Variants in NDST3 observed in about 807,000 individuals in gnomAD.
NDST3 encodes the protein N-deacetylase and N-sulfotransferase 3.
In NDST3, 58 loss-of-function variants were observed where a neutral mutation model predicts 96.1. The ratio of observed to expected loss-of-function variants is 0.60; its 90% CI spans 0.49 to 0.75. NDST3 has a LOEUF of 0.75. NDST3 is among the 30% of genes least tolerant of loss of function. NDST3 has a pLI of 0.00. For synonymous variants in NDST3, 333 were observed against 359.7 expected, an observed-to-expected ratio of 0.93 and a Z score of 0.84; for missense variants, 788 against 1,034.2, an observed-to-expected ratio of 0.76 and a Z score of 3.27.
intron 2 of NDST3, among the ~76,000 whole-genome samples, chr4:118,077,007 G>T (rs191600604): frequency 6.6e-6 from 1 of 152,278 alleles, no homozygotes; most frequent in East Asian, 1.9e-4. Flanking sequence ...TGTGGTATAA[G>T]GTTGGTTCAA....
At chr4:118,180,781 T>C (rs1333634769) in intron 6 of NDST3, among the ~76,000 whole-genome samples, 2 of 152,128 alleles carry the variant, frequency 1.3e-5, no homozygotes, top group Non-Finnish European at 2.9e-5. Flanking sequence ...CTTATACTTT[T>C]ACAGTCATCT....
At chr4:118,227,162 T>C (rs897407523) in intron 8 of NDST3, among the ~76,000 whole-genome samples, 180 bp downstream of exon 8, 1 of 152,122 alleles carries the variant, frequency 6.6e-6, no homozygotes, top group East Asian at 1.9e-4. Flanking sequence ...AAGTGTTTTT[T>C]AAGTGAAGGG....
Position 118,183,565 on chromosome 4 carries a change from T to G in NDST3, c.1539+39881T>G, listed in dbSNP as rs1578780292. Among the ~76,000 whole-genome samples the G allele has an allele frequency of 2.6e-5, 4 of 152,138 alleles. 1 individual carries two copies. In the East Asian group the frequency reaches 7.8e-4, roughly 30 times the overall value. ...ATGAATAACAAAGAACTCCTATCAT[T>G]TGGGAAATTTCAGAGAACTAGTTTT... On this transcript the variant is annotated intron_variant, in intron 6 of 13. Coordinates refer to ENST00000296499, the MANE Select transcript of NDST3 (RefSeq NM_004784.3).
At chr4:118,176,670 G>T (rs1299978619) in intron 6 of NDST3, among the ~76,000 whole-genome samples, 1 of 151,980 alleles carries the variant, frequency 6.6e-6, no homozygotes, top group Non-Finnish European at 1.5e-5. Flanking sequence ...GTTAAGAAAG[G>T]CTACATTAAG....
chr4:118,211,873 G>T (rs1041610620), intron 6 of NDST3, among the ~76,000 whole-genome samples: 5 of 152,124 alleles, frequency 3.3e-5, no homozygotes, highest in African/African-American at 1.2e-4. Flanking sequence ...CTGTGTCAAG[G>T]AGTCCCCTTG....
chr4:118,058,626 TGTGTGTGTGC>T (rs1279469337), intron 2 of NDST3, among the ~76,000 whole-genome samples: 57 of 85,196 alleles, frequency 6.7e-4, no homozygotes, highest in Non-Finnish European at 1.1e-3. Flanking sequence ...TGTGTGTGTG[TGTGTGTGTGC>T]GCGCGCGCGC....
At chr4:118,075,565 T>C (rs1437014612) in intron 2 of NDST3, among the ~76,000 whole-genome samples, 1 of 152,220 alleles carries the variant, frequency 6.6e-6, no homozygotes, top group African/African-American at 2.4e-5. Flanking sequence ...ACCTGTTGTT[T>C]CCTGACTTTT....
chr4:118,236,460 C>T (rs1184687525), intron 9 of NDST3, among the ~76,000 whole-genome samples: 1 of 152,052 alleles, frequency 6.6e-6, no homozygotes, highest in Non-Finnish European at 1.5e-5. Context: ...ACTTCTCTTA[C>T]AATTATTCTA....
At position 118,054,568 on chromosome 4, in the gene NDST3, TG is replaced by T; in HGVS notation, c.660del (p.Trp220Ter). Reference protein sequence around the residue: ...LEKGSLPGTDWTVFQINHSAY... With the variant: ...LEKGSLPGTDXTVFQINHSAY... ...AAAAGGTTCTTTACCTGGAACTGAC[TG>T]GACAGTTTTTCAGATTAATCATTCA... On this transcript the variant is annotated frameshift_variant, in exon 2 of 14. Transcript: ENST00000296499. LOFTEE classifies it high-confidence loss of function. 2 of 1,613,382 alleles carry T rather than the reference TG, an allele frequency of 1.2e-6. No individual in the cohort carries two copies. The highest frequency in any genetic ancestry group is 1.7e-6 in the Non-Finnish European group (2 of 1,179,502).
rs78954625 is a variant in NDST3, at chr4:118,130,137, T to C, written c.1225-7917T>C. ...TCATAGAGTCTTGTATTTTCATCCA[T>C]TTGGCCACTCTGTGTCTTTTGATCA... On this transcript the variant is annotated intron_variant, in intron 4 of 13. Transcript: ENST00000296499. 5.5e-3 allele frequency among the ~76,000 whole-genome samples: 837 copies of C among 152,214 alleles called. 8 individuals are homozygous for C. Among genetic ancestry groups the C allele is most frequent in the African/African-American group, 0.019 (804 of 41,546 alleles).
intron 6 of NDST3, among the ~76,000 whole-genome samples, chr4:118,150,739 A>T (rs1734331067): frequency 1.3e-5 from 2 of 151,514 alleles, no homozygotes; most frequent in South Asian, 4.2e-4. Context: ...AGGAAACAAC[A>T]GGTGCTGGAG....
chr4:118,144,178 A>G (rs988967125), intron 6 of NDST3, among the ~76,000 whole-genome samples: 3 of 151,542 alleles, frequency 2.0e-5, no homozygotes, highest in Non-Finnish European at 4.4e-5. Flanking sequence ...GGCCTATTTA[A>G]TGGGCTACTT....
chr4:118,239,347 G>T (rs1484900575), intron 10 of NDST3, among the ~76,000 whole-genome samples: 1 of 152,168 alleles, frequency 6.6e-6, no homozygotes, highest in Non-Finnish European at 1.5e-5. Context: ...AAAAGCAGAT[G>T]AAATCTTAGG....
chr4:118,141,757 T>C (rs188837751), intron 5 of NDST3, among the ~76,000 whole-genome samples: 44 of 152,208 alleles, frequency 2.9e-4, no homozygotes, highest in African/African-American at 9.4e-4. Flanking sequence ...AGCTTTTGGG[T>C]CTTTCCCATT....
At chr4:118,181,368 A>G (rs1475653525) in intron 6 of NDST3, among the ~76,000 whole-genome samples, 4 of 152,174 alleles carry the variant, frequency 2.6e-5, no homozygotes, top group African/African-American at 9.7e-5. Context: ...AGGAAATGGA[A>G]AGAACAGATC....
chr4:118,101,577 C>T lies in NDST3; in HGVS notation c.982-3441C>T, dbSNP rs112668952. 4.8e-4 allele frequency among the ~76,000 whole-genome samples: 73 copies of T among 152,174 alleles called. 1 individual carries two copies. The highest frequency in any genetic ancestry group is 1.6e-3 in the African/African-American group (65 of 41,538). On this transcript the variant is annotated intron_variant, in intron 2 of 13. Coordinates refer to ENST00000296499, the MANE Select transcript of NDST3 (RefSeq NM_004784.3). ...TTATTTTCTGCTGCAGAAATGGTTG[C>T]TTCATTGCTGTAGCCATGAGTGGCT... is the stretch of plus-strand genomic sequence containing the variant.
chr4:118,224,249 T>A (rs1022552875), intron 6 of NDST3, among the ~76,000 whole-genome samples: 3 of 152,156 alleles, frequency 2.0e-5, no homozygotes, highest in Non-Finnish European at 4.4e-5. Context: ...TGAATGTATT[T>A]TTTTGTTATG....
chr4:118,226,289 A>C (rs572250044), intron 7 of NDST3, among the ~76,000 whole-genome samples: 1 of 152,300 alleles, frequency 6.6e-6, no homozygotes, highest in South Asian at 2.1e-4. Flanking sequence ...AGAATCCCTA[A>C]GGTAGTAATT....
At chr4:118,040,394 A>G (rs1396526159) in intron 1 of NDST3, among the ~76,000 whole-genome samples, 2 of 152,140 alleles carry the variant, frequency 1.3e-5, no homozygotes, top group Non-Finnish European at 2.9e-5. Context: ...AGGGGTGAAA[A>G]GAAGCCCAAG....
Sources: allele counts gnomAD v4.1 joint callset (sites outside exome capture counted in the v4.1 genomes callset), GRCh38; gene constraint gnomAD v4.1.1; transcripts MANE v1.5; gene names NCBI Gene and HGNC (gene_info 2026-07-23, HGNC 2026-07-21).